Variants in KLRB1 observed in about 807,000 individuals in gnomAD.
KLRB1 encodes the protein killer cell lectin-like receptor subfamily B member 1.
KLRB1 carries 27 observed loss-of-function variants against 33.5 expected under a neutral mutation model. The ratio of observed to expected loss-of-function variants is 0.81; its 90% CI spans 0.59 to 1.11. KLRB1 has a LOEUF of 1.11. KLRB1 is among the 50% of genes most tolerant of loss of function. The pLI is 0.00. For missense variants in KLRB1, 241 were observed against 254.1 expected, an observed-to-expected ratio of 0.95 and a Z score of 0.35; for synonymous variants, 64 against 88.9, an observed-to-expected ratio of 0.72 and a Z score of 1.58.
rs1565441368 is a variant in KLRB1 at position 9,595,148 on chromosome 12, T to C, written c.*126A>G. 3 of 737,440 alleles carry C rather than the reference T, an allele frequency of 4.1e-6. No homozygotes were observed. Among genetic ancestry groups the C allele is most frequent in the Non-Finnish European group, 6.9e-6 (3 of 435,614 alleles). The allele number at this position is 737,440 out of a possible 1,614,324, so 45.7% of individuals were successfully genotyped here. ...ACTTCTGTAAGATTCATAACAGTTG[T>C]CAATTCTCAGAATTGTTCACTTTGT... On this transcript the variant is annotated 3_prime_UTR_variant, in exon 6 of 6. Coordinates refer to ENST00000229402, the MANE Select transcript of KLRB1 (RefSeq NM_002258.3).
chr12:9,607,311 T>C (rs77025367), intron 1 of KLRB1, among the ~76,000 whole-genome samples: 1,347 of 111,678 alleles, frequency 0.012, 107 homozygotes, highest in African/African-American at 0.044. Context: ...CTTTCTTTCT[T>C]TCTTCTTTTC....
chr12:9,601,407 G>T, intron 2 of KLRB1, 94 bp downstream of exon 2: 1 of 809,984 alleles, frequency 1.2e-6, no homozygotes, highest in Admixed American at 2.0e-5. Flanking sequence ...ACACCCACAG[G>T]TGTGTAGGGG....
intron 2 of KLRB1, among the ~76,000 whole-genome samples, chr12:9,601,141 T>G (rs747727382): frequency 2.7e-3 from 394 of 143,862 alleles, no homozygotes; most frequent in African/African-American, 9.4e-3. Context: ...CACTTAATCC[T>G]TTACATTGTC....
intron 1 of KLRB1, among the ~76,000 whole-genome samples, chr12:9,606,664 A>ATAT: frequency 1.0e-5 from 1 of 95,600 alleles, no homozygotes. Context: ...ATATATATAT[A>ATAT]AAATATATAA....
Position 9,607,336 on chromosome 12 carries a change from C to T in KLRB1, c.85+419G>A, listed in dbSNP as rs1479500117. 3.4e-3 allele frequency among the ~76,000 whole-genome samples: 83 copies of T among 24,528 alleles called. 3 individuals carry two copies. Among genetic ancestry groups the T allele is most frequent in the African/African-American group, 6.3e-3 (74 of 11,838 alleles). 16.1% of individuals were successfully genotyped at this position (24,528 alleles called of 152,430 possible). On this transcript the variant is annotated intron_variant, in intron 1 of 5. Transcript: ENST00000229402. ...TTCTTCTTTTCTTTCTCTTTCTTTC[C>T]TTTCTTTCTTTCTTTCTTCCTTTCT...
Position 9,595,057 on chromosome 12 carries a change from A to T in KLRB1, c.*217T>A. On this transcript the variant is annotated 3_prime_UTR_variant, in exon 6 of 6. Transcript: ENST00000229402. ...ACCATAGAATATCACTGTTTCTTTAAAACGATGCACGTTTTTCTCTATGTC... is the reference window on the plus strand; with the variant it reads ...ACCATAGAATATCACTGTTTCTTTATAACGATGCACGTTTTTCTCTATGTC... 3.8e-6 allele frequency: 2 copies of T among 525,726 alleles called. No homozygotes were observed. Among genetic ancestry groups the T allele is most frequent in the South Asian group, 5.3e-5 (2 of 37,648 alleles). 32.6% of individuals were successfully genotyped at this position (525,726 alleles called of 1,614,324 possible).
At chr12:9,607,111 G>T (rs1864614336) in intron 1 of KLRB1, among the ~76,000 whole-genome samples, 1 of 151,992 alleles carries the variant, frequency 6.6e-6, no homozygotes, top group African/African-American at 2.4e-5. Flanking sequence ...CTTAATCATA[G>T]TATTGATATT....
At position 9,595,236 on chromosome 12, in the gene KLRB1, A is replaced by G; in HGVS notation, c.*38T>C. 1 of 1,587,164 alleles carries G rather than the reference A, an allele frequency of 6.3e-7. No homozygotes were observed. The highest frequency in any genetic ancestry group is 8.6e-7 in the Non-Finnish European group (1 of 1,156,290). ...ATGTGCAGCTACAAGTACAGAGATC[A>G]GTAATGGGAAGCAAATAAATTGAGA... On this transcript the variant is annotated 3_prime_UTR_variant, in exon 6 of 6. Transcript: ENST00000229402.
chr12:9,605,784 T>G (rs548973902), intron 1 of KLRB1, among the ~76,000 whole-genome samples: 3 of 152,222 alleles, frequency 2.0e-5, no homozygotes, highest in Non-Finnish European at 2.9e-5. Context: ...TCACATATTT[T>G]GCTCTGGCTT....
Position 9,598,096 on chromosome 12 carries a change from T to A in KLRB1, c.480A>T (p.Leu160Phe). The A allele has an allele frequency of 6.3e-7, 1 of 1,598,294 alleles. No individual in the cohort carries two copies. Among genetic ancestry groups the A allele is most frequent in the Middle Eastern group, 1.7e-4 (1 of 6,006 alleles). ...ILFWIGLNFS[L>F]SEKNWKWING... ...TTATCCACTTCCAGTTCTTTTCTGA[T>A]AATGAAAAATTTAATCCAATCCAAA... Residue 160 changes from leucine to phenylalanine, a missense_variant, in exon 5 of 6, where the codon TTA (leucine) becomes TTT (phenylalanine). Transcript: ENST00000229402.
chr12:9,607,646 A>T, intron 1 of KLRB1, 109 bp downstream of exon 1: 1 of 757,914 alleles, frequency 1.3e-6, no homozygotes. Flanking sequence ...AAACATTAAT[A>T]TAAAACTACT....
chr12:9,607,413 C>CTTTCTTTTCTTTTCTTTT (rs1864633321), intron 1 of KLRB1, among the ~76,000 whole-genome samples: 1 of 70,586 alleles, frequency 1.4e-5, no homozygotes, highest in African/African-American at 4.0e-5. Context: ...TCTTTTCTTT[C>CTTTCTTTTCTTTTCTTTT]TTTCTTTCTT....
chr12:9,603,598 A>ATT (rs35214620), intron 1 of KLRB1, among the ~76,000 whole-genome samples: 10 of 136,542 alleles, frequency 7.3e-5, no homozygotes, highest in Non-Finnish European at 1.4e-4. Flanking sequence ...CTAATTTTGT[A>ATT]TTTTTTTTTT....
At chr12:9,598,775 A>G (rs1287894339) in intron 3 of KLRB1, 122 bp from the exon 4 acceptor site, 4 of 600,024 alleles carry the variant, frequency 6.7e-6, no homozygotes, top group Non-Finnish European at 1.1e-5. Flanking sequence ...TATCACTGTG[A>G]GAACAATGAA....
rs766877847 is a variant in KLRB1, at chr12:9,606,881, C to A, written c.85+874G>T. 6.0e-5 allele frequency among the ~76,000 whole-genome samples: 9 copies of A among 150,546 alleles called. No homozygotes were observed. In the South Asian group the frequency reaches 1.9e-3, roughly 32 times the overall value. ...AAGCAATCCTCTCACCTCAGCCTCC[C>A]GAGTAGCTAGGACCACAGGCACGTG... On this transcript the variant is annotated intron_variant, in intron 1 of 5. Coordinates refer to ENST00000229402, the MANE Select transcript of KLRB1 (RefSeq NM_002258.3).
At chr12:9,603,787 T>G (rs761313737) in intron 1 of KLRB1, among the ~76,000 whole-genome samples, 1 of 152,166 alleles carries the variant, frequency 6.6e-6, no homozygotes, top group African/African-American at 2.4e-5. Context: ...AAGGCTAACA[T>G]TGATTAAGAA....
chr12:9,607,332 T>TTTCTTTCTTTC (rs1864620960), intron 1 of KLRB1, among the ~76,000 whole-genome samples: 2 of 58,622 alleles, frequency 3.4e-5, no homozygotes, highest in Admixed American at 4.2e-4. Flanking sequence ...TTTCTCTTTC[T>TTTCTTTCTTTC]TTCCTTTCTT....
chr12:9,607,388 C>CTCTCTTTCTTTT (rs1565444703), intron 1 of KLRB1, among the ~76,000 whole-genome samples: 20 of 86,896 alleles, frequency 2.3e-4, no homozygotes, highest in African/African-American at 6.5e-4. Flanking sequence ...TTCTTTCTTT[C>CTCTCTTTCTTTT]TTTCTTTCTT....
At chr12:9,605,740 T>G (rs907604100) in intron 1 of KLRB1, among the ~76,000 whole-genome samples, 1 of 152,252 alleles carries the variant, frequency 6.6e-6, no homozygotes, top group Admixed American at 6.5e-5. Context: ...ATAGTGGTTT[T>G]ACTGTCATTC....
Sources: allele counts gnomAD v4.1 joint callset (sites outside exome capture counted in the v4.1 genomes callset), GRCh38; gene constraint gnomAD v4.1.1; transcripts MANE v1.5; gene names NCBI Gene and HGNC (gene_info 2026-07-23, HGNC 2026-07-21).